Variants in TEX29 observed in about 807,000 individuals in gnomAD.
TEX29 encodes testis-expressed protein 29.
TEX29 carries 26 observed loss-of-function variants against 18.2 expected under a neutral mutation model. The ratio of observed to expected loss-of-function variants is 1.43; its 90% CI spans 1.04 to 1.98. The LOEUF is 1.98. TEX29 is among the 30% of genes most tolerant of loss of function. The pLI, the probability that TEX29 is intolerant of heterozygous loss-of-function variation, is 0.00. For synonymous variants in TEX29, 83 were observed against 78.5 expected (o/e 1.06, Z -0.31); for missense variants, 177 against 194.2 (o/e 0.91, Z 0.53).
chr13:111,337,880 G>C (rs1458328676), intron 3 of TEX29, among the ~76,000 whole-genome samples: 1 of 152,058 alleles, frequency 6.6e-6, no homozygotes, highest in East Asian at 1.9e-4. Context: ...AACTCTTATC[G>C]AGCGCCCATT....
At chr13:111,339,751 G>T (rs2093694678) in intron 3 of TEX29, 112 bp from the exon 4 acceptor site, 2 of 1,003,482 alleles carry the variant, frequency 2.0e-6, no homozygotes, top group Admixed American at 1.8e-5. Context: ...CTGACCATGG[G>T]CAGCCGCGCC....
At position 111,327,462 on chromosome 13, in the gene TEX29, G is replaced by C. The variant is rs572161942; in HGVS notation, c.59-721G>C. On this transcript the variant is annotated intron_variant, in intron 2 of 5. Coordinates refer to ENST00000283547, the MANE Select transcript of TEX29 (RefSeq NM_152324.3). ...GCCTTGGCCTGGGGCATGGAGCCTG[G>C]CTTTGTGGGACTGCAGTCCACCCAG... Among the ~76,000 whole-genome samples, 50 of 152,288 alleles carry C rather than the reference G, an allele frequency of 3.3e-4. 2 individuals are homozygous for C. In the South Asian group the frequency reaches 0.01, roughly 31 times the overall value.
Position 111,325,419 on chromosome 13 carries a change from G to A in TEX29, c.59-2764G>A, listed in dbSNP as rs540537322. Reference sequence around the variant, plus strand: ...CCGGGAGTCCAGTACCTGTGCAGTGGGCGAGCTGCCAGTGATGTTTCTAGA... The same window carrying A: ...CCGGGAGTCCAGTACCTGTGCAGTGAGCGAGCTGCCAGTGATGTTTCTAGA... On this transcript the variant is annotated intron_variant, in intron 2 of 5. Coordinates refer to ENST00000283547, the MANE Select transcript of TEX29 (RefSeq NM_152324.3). Among the ~76,000 whole-genome samples, 3 of 152,212 alleles carry A rather than the reference G, an allele frequency of 2.0e-5. No individual in the cohort carries two copies. The East Asian group carries it at 5.8e-4, about 30-fold the overall frequency.
chr13:111,339,247 A>T (rs1051270528), intron 3 of TEX29: 11 of 455,168 alleles, frequency 2.4e-5, no homozygotes, highest in African/African-American at 2.0e-4. Context: ...AAGGAAGCCC[A>T]GTCAAGGATT....
intron 4 of TEX29, 27 bp downstream of exon 4, chr13:111,339,959 G>C (rs776665168): frequency 6.3e-7 from 1 of 1,587,702 alleles, no homozygotes; most frequent in East Asian, 2.2e-5. Flanking sequence ...TTTACTGGGA[G>C]GGTGGGGAGG....
At chr13:111,338,526 C>G (rs2093692693) in intron 3 of TEX29, among the ~76,000 whole-genome samples, 1 of 152,164 alleles carries the variant, frequency 6.6e-6, no homozygotes, top group African/African-American at 2.4e-5. Flanking sequence ...TACAGCATCC[C>G]TGGCAAACTG....
chr13:111,318,892 G>A (rs1218325687), upstream of TEX29, among the ~76,000 whole-genome samples: 1 of 152,222 alleles, frequency 6.6e-6, no homozygotes, highest in Admixed American at 6.5e-5. Flanking sequence ...ATAAACAGCG[G>A]ACACTTTTTG....
intron 2 of TEX29, among the ~76,000 whole-genome samples, chr13:111,327,433 T>G (rs1595687013): frequency 6.6e-6 from 1 of 152,124 alleles, no homozygotes; most frequent in African/African-American, 2.4e-5. Flanking sequence ...GTGGCTTGGG[T>G]GCAGCCTTGG....
chr13:111,337,578 A>G (rs1006786552), intron 3 of TEX29, among the ~76,000 whole-genome samples: 5 of 151,998 alleles, frequency 3.3e-5, no homozygotes, highest in Non-Finnish European at 7.4e-5. Flanking sequence ...AGCGTTGTTC[A>G]GTGTGGGAAC....
chr13:111,321,444 G>A (rs185120731), intron 2 of TEX29, among the ~76,000 whole-genome samples: 1 of 152,274 alleles, frequency 6.6e-6, no homozygotes, highest in East Asian at 1.9e-4. Flanking sequence ...CCGTTAATGT[G>A]CATAGATGGG....
At chr13:111,329,255 C>G (rs893862742) in intron 3 of TEX29, among the ~76,000 whole-genome samples, 2 of 152,052 alleles carry the variant, frequency 1.3e-5, no homozygotes, top group Admixed American at 6.5e-5. Context: ...CAGCCCTTAC[C>G]GGTGGAGATG....
intron 3 of TEX29, among the ~76,000 whole-genome samples, chr13:111,331,125 A>C (rs1458924624): frequency 6.6e-6 from 1 of 152,196 alleles, no homozygotes; most frequent in Non-Finnish European, 1.5e-5. Context: ...GAACTTCCCA[A>C]CTGTTTTGCA....
chr13:111,336,022 C>A (rs935333944), intron 3 of TEX29, among the ~76,000 whole-genome samples: 1 of 152,198 alleles, frequency 6.6e-6, no homozygotes, highest in African/African-American at 2.4e-5. Flanking sequence ...TAAAAGTGAG[C>A]CTTAATCCCT....
At chr13:111,317,004 A>AC (rs1202882288), upstream of TEX29, among the ~76,000 whole-genome samples, 1 of 151,708 alleles carries the variant, frequency 6.6e-6, no homozygotes, top group Non-Finnish European at 1.5e-5. Flanking sequence ...GGGGGAAACC[A>AC]CCCCCACGGT....
intron 2 of TEX29, 24 bp downstream of exon 2, chr13:111,320,972 G>T: frequency 6.5e-7 from 1 of 1,536,080 alleles, no homozygotes; most frequent in South Asian, 1.2e-5. Flanking sequence ...GCGCCAGGGG[G>T]GCGGGTGGGG....
intron 5 of TEX29, 51 bp downstream of exon 5, chr13:111,342,982 G>T: frequency 6.3e-7 from 1 of 1,589,036 alleles, no homozygotes; most frequent in Non-Finnish European, 8.6e-7. Flanking sequence ...GCGTGGCTCT[G>T]TTCCCTCGGG....
At chr13:111,318,971 TC>T (rs925832860), upstream of TEX29, among the ~76,000 whole-genome samples, 3 of 152,148 alleles carry the variant, frequency 2.0e-5, no homozygotes, top group Non-Finnish European at 1.5e-5. Context: ...GAAGTCCCCT[TC>T]CTGGCTCATA....
At chr13:111,318,241 G>C (rs1239447128), upstream of TEX29, among the ~76,000 whole-genome samples, 4 of 152,266 alleles carry the variant, frequency 2.6e-5, no homozygotes, top group African/African-American at 9.6e-5. Flanking sequence ...GGTCCTCAGA[G>C]GTAACGGGTC....
upstream of TEX29, among the ~76,000 whole-genome samples, chr13:111,317,991 C>T (rs1301690824): frequency 6.6e-6 from 1 of 152,184 alleles, no homozygotes; most frequent in African/African-American, 2.4e-5. Flanking sequence ...TCGGCAAAGA[C>T]CCTATTTCCA....
Sources: gnomAD v4.1 joint callset for allele counts (sites outside exome capture counted in the v4.1 genomes callset) on GRCh38, gnomAD v4.1.1 for gene constraint, MANE v1.5 for transcripts, NCBI Gene and HGNC (gene_info 2026-07-23, HGNC 2026-07-21) for gene names.